The following GNB5 variants were observed in gnomAD, a reference collection of about 807,000 sequenced individuals.
GNB5 encodes the protein G protein subunit beta 5, also known as guanine nucleotide-binding protein subunit beta-5.
Under a neutral mutation model 55.3 loss-of-function variants are expected in GNB5, and 37 were observed. The ratio of observed to expected loss-of-function variants is 0.67; its 90% confidence interval spans 0.51 to 0.88. The LOEUF is 0.88. GNB5 is among the 40% of genes least tolerant of loss of function. GNB5 has a pLI of 0.00. For synonymous variants in GNB5, 219 were observed against 198.5 expected (o/e 1.10, Z -0.87); for missense variants, 476 against 515.3 (o/e 0.92, Z 0.74).
chr15:52,128,826 T>A lies in GNB5; in HGVS notation c.864-582A>T, dbSNP rs75991756. On this transcript the variant is annotated intron_variant, in intron 9 of 12. Coordinates refer to ENST00000261837, the MANE Select transcript of GNB5 (RefSeq NM_016194.4). ...ATAATTATTACTGCTATAGTCATTG[T>A]CTTCTCAATGATTAGTGAGAAATAT... 1.8e-4 allele frequency: 77 copies of A among 439,050 alleles called. 1 individual carries two copies. The East Asian group carries it at 5.3e-3, about 30-fold the overall frequency. 27.2% of individuals were successfully genotyped at this position (439,050 alleles called of 1,614,324 possible). A position where few individuals can be genotyped will look rare whatever the true frequency, so the allele number is the denominator to read the frequency against.
chr15:52,138,772 T>C (rs2033786244), intron 7 of GNB5: 1 of 152,202 alleles, frequency 6.6e-6, no homozygotes, highest in African/African-American at 2.4e-5. Flanking sequence ...ACCCCAGTCT[T>C]GCTCTTTAAT....
At chr15:52,158,521 T>A (rs991388378) in intron 3 of GNB5, among the ~76,000 whole-genome samples, 1 of 152,136 alleles carries the variant, frequency 6.6e-6, no homozygotes, top group Non-Finnish European at 1.5e-5. Context: ...TCCCTATCCC[T>A]AATCCATCAT....
chr15:52,186,112 T>C (rs1456767928), intron 1 of GNB5, among the ~76,000 whole-genome samples: 1 of 152,130 alleles, frequency 6.6e-6, no homozygotes, highest in East Asian at 1.9e-4. Flanking sequence ...TTGGCACAAG[T>C]AGCTAAAAAA....
chr15:52,151,596 T>A (rs1318512723), intron 4 of GNB5, among the ~76,000 whole-genome samples: 1 of 152,160 alleles, frequency 6.6e-6, no homozygotes, highest in Non-Finnish European at 1.5e-5. Context: ...CACATCCACC[T>A]CTTCCTGCTC....
intron 1 of GNB5, among the ~76,000 whole-genome samples, chr15:52,189,368 C>T (rs1364692986): frequency 1.3e-5 from 2 of 152,096 alleles, no homozygotes; most frequent in South Asian, 2.1e-4. Flanking sequence ...AAGGCCCAGG[C>T]GGGTAGATCA....
intron 6 of GNB5, chr15:52,144,243 A>T (rs1315304526): frequency 6.6e-6 from 1 of 152,208 alleles, no homozygotes; most frequent in Admixed American, 6.5e-5. Flanking sequence ...CCACAGCATC[A>T]TTTCCTAAAC....
chr15:52,167,591 A>G (rs926217600), intron 3 of GNB5, among the ~76,000 whole-genome samples: 4 of 152,126 alleles, frequency 2.6e-5, no homozygotes, highest in African/African-American at 9.7e-5. Flanking sequence ...GAATCGCCTG[A>G]ACGCAGGAGG....
At chr15:52,134,685 C>T (rs1003626408) in intron 8 of GNB5, among the ~76,000 whole-genome samples, 1 of 152,174 alleles carries the variant, frequency 6.6e-6, no homozygotes, top group African/African-American at 2.4e-5. Flanking sequence ...GGCCTGGCTC[C>T]CAGGATCGAT....
chr15:52,120,712 G>A lies in GNB5; in HGVS notation c.*2045C>T, dbSNP rs898049825. 1 of 152,202 alleles carries A rather than the reference G, an allele frequency of 6.6e-6. No individual in the cohort carries two copies. The highest frequency in any genetic ancestry group is 1.5e-5 in the Non-Finnish European group (1 of 68,062). 9.4% of individuals were successfully genotyped at this position (152,202 alleles called of 1,614,324 possible). ...AGGGGCCACTGTGGGACATTCTGGA[G>A]CAGAGCTCAGGAATCCCATGGTGCC... is the stretch of plus-strand genomic sequence containing the variant. On this transcript the variant is annotated 3_prime_UTR_variant, in exon 13 of 13. Coordinates refer to ENST00000261837, the MANE Select transcript of GNB5 (RefSeq NM_016194.4).
At chr15:52,172,090 C>G (rs2034563900) in intron 3 of GNB5, among the ~76,000 whole-genome samples, 1 of 152,174 alleles carries the variant, frequency 6.6e-6, no homozygotes, top group Admixed American at 6.5e-5. Context: ...AGTTTAATTT[C>G]AAGTTAAAGA....
chr15:52,150,564 T>G (rs897816676), intron 4 of GNB5, among the ~76,000 whole-genome samples: 2 of 152,176 alleles, frequency 1.3e-5, no homozygotes, highest in Non-Finnish European at 1.5e-5. Flanking sequence ...CAACATGCGA[T>G]ATGCACCCAT....
At chr15:52,126,800 G>T (rs1486297927) in intron 10 of GNB5, among the ~76,000 whole-genome samples, 2 of 152,038 alleles carry the variant, frequency 1.3e-5, no homozygotes, top group Admixed American at 1.3e-4. Context: ...ATGTTTTATT[G>T]TATATTTTAT....
intron 3 of GNB5, among the ~76,000 whole-genome samples, chr15:52,176,642 GGCAAGTGGCAC>G (rs1362337279): frequency 2.0e-5 from 3 of 152,184 alleles, no homozygotes; most frequent in African/African-American, 7.2e-5. Flanking sequence ...ATTAGGAGCT[GGCAAGTGGCAC>G]GCAAGGTAGG....
intron 3 of GNB5, among the ~76,000 whole-genome samples, chr15:52,179,409 C>A (rs60705168): frequency 0.063 from 9,639 of 152,210 alleles, 881 homozygotes; most frequent in East Asian, 0.47. Flanking sequence ...TCGCCGCGCT[C>A]GCTCGTCACC....
At chr15:52,171,000 A>G (rs897747491) in intron 3 of GNB5, among the ~76,000 whole-genome samples, 1 of 151,528 alleles carries the variant, frequency 6.6e-6, no homozygotes, top group Admixed American at 6.6e-5. Flanking sequence ...AGGCTGAGGC[A>G]AGAGAAGCAC....
intron 3 of GNB5, among the ~76,000 whole-genome samples, chr15:52,177,958 G>C (rs777319834): frequency 6.6e-6 from 1 of 152,160 alleles, no homozygotes; most frequent in Non-Finnish European, 1.5e-5. Context: ...ACAAAAAAAA[G>C]TTTCTTCTTT....
chr15:52,141,265 C>T lies in GNB5; in HGVS notation c.502G>A (p.Asp168Asn). 6.2e-7 allele frequency: 1 copy of T among 1,613,686 alleles called. No homozygotes were observed. The highest frequency in any genetic ancestry group is 8.5e-7 in the Non-Finnish European group (1 of 1,179,634). ...AAGGGGTACACAGAACACTTATTAT[C>T]CAAACCACTAGGATGGAAAGAAAGA... ...SGCAIACGGL[D>N]NKCSVYPLTF... Residue 168 changes from aspartate to asparagine, a missense_variant, in exon 7 of 13, where the codon GAT (aspartate) becomes AAT (asparagine). By Grantham distance (23) the Asp-to-Asn change is conservative. Transcript: ENST00000261837.
chr15:52,190,778 T>TAAAAAAA (rs58614125), intron 1 of GNB5, among the ~76,000 whole-genome samples: 19 of 96,902 alleles, frequency 2.0e-4, no homozygotes, highest in African/African-American at 7.9e-4. Flanking sequence ...CTTATTTCCT[T>TAAAAAAA]AAAAAAAAAA....
At chr15:52,143,156 A>T (rs1292315873) in intron 6 of GNB5, among the ~76,000 whole-genome samples, 2 of 146,860 alleles carry the variant, frequency 1.4e-5, no homozygotes, top group African/African-American at 4.9e-5. Context: ...TTCTTTGACT[A>T]AAAAAAAGAG....
Sources: gnomAD v4.1 joint callset for allele counts (sites outside exome capture counted in the v4.1 genomes callset) on GRCh38, gnomAD v4.1.1 for gene constraint, MANE v1.5 for transcripts, NCBI Gene and HGNC (gene_info 2026-07-23, HGNC 2026-07-21) for gene names.